C12orf76: variants seen among roughly 807,000 people sequenced by gnomAD.
The protein encoded by C12orf76 is chromosome 12 open reading frame 76.
A neutral mutation model predicts 6.8 loss-of-function variants in C12orf76; 6 were observed. The ratio of observed to expected loss-of-function variants is 0.88; its 90% CI spans 0.48 to 1.73. The LOEUF is 1.73. Ranked by LOEUF, C12orf76 falls within the 40% of genes most tolerant of loss-of-function variation. C12orf76 has a pLI of 0.01. For synonymous variants in C12orf76, 56 were observed against 43.7 expected, an observed-to-expected ratio of 1.28 and a Z score of -1.11; for missense variants, 99 against 98.2, an observed-to-expected ratio of 1.01 and a Z score of -0.03.
intron 4 of C12orf76, among the ~76,000 whole-genome samples, chr12:110,056,362 T>C (rs533011994): frequency 3.9e-5 from 6 of 152,290 alleles, no homozygotes; most frequent in Non-Finnish European, 5.9e-5. Context: ...TAAGAGGCTA[T>C]AATTTTATGC....
At chr12:110,066,426 G>A (rs1346881636) in intron 1 of C12orf76, among the ~76,000 whole-genome samples, 1 of 124,514 alleles carries the variant, frequency 8.0e-6, no homozygotes, top group Non-Finnish European at 1.6e-5. Flanking sequence ...GGTGGCTCAC[G>A]CCTGTAATCC....
intron 1 of C12orf76, among the ~76,000 whole-genome samples, chr12:110,042,832 T>C (rs1593241519): frequency 6.6e-6 from 1 of 151,212 alleles, no homozygotes; most frequent in African/African-American, 2.4e-5. Context: ...CCTAGGTGGG[T>C]GGATCACTTG....
At chr12:110,053,380 T>C (rs1892616503), upstream of C12orf76, among the ~76,000 whole-genome samples, 1 of 151,954 alleles carries the variant, frequency 6.6e-6, no homozygotes, top group Non-Finnish European at 1.5e-5. Context: ...GCACCTATAA[T>C]CCCAGCTACT....
At chr12:110,064,416 G>A (rs748893782) in intron 2 of C12orf76, among the ~76,000 whole-genome samples, 10 of 152,186 alleles carry the variant, frequency 6.6e-5, no homozygotes, top group South Asian at 2.1e-4. Flanking sequence ...CAACCACTCC[G>A]ACAACCAATA....
chr12:110,051,215 G>A (rs764857046), upstream of C12orf76: 3 of 772,020 alleles, frequency 3.9e-6, no homozygotes, highest in Non-Finnish European at 7.2e-6. Flanking sequence ...GCACAGTGGG[G>A]TGGGAGGCAG....
At chr12:110,063,602 T>TTTTATTTATTTATTTA (rs147216427) in intron 2 of C12orf76, among the ~76,000 whole-genome samples, 18 of 138,698 alleles carry the variant, frequency 1.3e-4, no homozygotes, top group South Asian at 4.7e-4. Flanking sequence ...GGATTTTTAT[T>TTTTATTTATTTATTTA]TTTATTTATT....
Position 110,042,478 on chromosome 12 carries a change from T to C in C12orf76, c.134-19A>G. On this transcript the variant is annotated intron_variant, in intron 1 of 1. Coordinates refer to ENST00000615315, the MANE Select transcript of C12orf76 (RefSeq NM_001389625.1). ...ATCAACACTGCAAAGGGAAAACAGG[T>C]TACTTCCTAATGGCAGCTCCAGGTT... The C allele has an allele frequency of 1.3e-6, 2 of 1,546,394 alleles. No homozygotes were observed. Among genetic ancestry groups the C allele is most frequent in the Non-Finnish European group, 1.8e-6 (2 of 1,118,548 alleles).
At chr12:110,068,074 G>T (rs992774659), upstream of C12orf76, among the ~76,000 whole-genome samples, 1 of 151,694 alleles carries the variant, frequency 6.6e-6, no homozygotes, top group Non-Finnish European at 1.5e-5. Context: ...TTAGCTGGGC[G>T]TAGTGGGGCA....
chr12:110,051,266 A>G (rs776035852), upstream of C12orf76: 5 of 734,902 alleles, frequency 6.8e-6, no homozygotes, highest in Middle Eastern at 2.3e-4. Context: ...GCTCGGCTGC[A>G]TGACTTGCTT....
intron 1 of C12orf76, among the ~76,000 whole-genome samples, chr12:110,043,629 G>A (rs921524350): frequency 1.7e-4 from 26 of 151,742 alleles, no homozygotes; most frequent in Non-Finnish European, 3.2e-4. Context: ...CGAGGCAGGC[G>A]GATCACGAGG....
upstream of C12orf76, among the ~76,000 whole-genome samples, chr12:110,069,283 A>T (rs935999807): frequency 6.6e-6 from 1 of 152,152 alleles, no homozygotes; most frequent in African/African-American, 2.4e-5. Context: ...TACTAAAAAT[A>T]CAAAAAATTA....
rs766524138 is a variant in C12orf76 at position 110,042,015 on chromosome 12, C to T, written c.*359G>A. The T allele has an allele frequency of 8.8e-6, 2 of 226,244 alleles. No individual in the cohort carries two copies. The highest frequency in any genetic ancestry group is 2.2e-5 in the African/African-American group (1 of 44,588). 14.0% of individuals were successfully genotyped at this position (226,244 alleles called of 1,614,324 possible). ...TAAGTCTCCTTCTTAATAACATTTT[C>T]AAGCATTAATGATGAGTTCTTTACA... On this transcript the variant is annotated 3_prime_UTR_variant, in exon 2 of 2. Transcript: ENST00000615315.
At position 110,054,464 on chromosome 12, in the gene C12orf76, T is replaced by C. The variant is rs1482430212; in HGVS notation, n.664+2725A>G. Among the ~76,000 whole-genome samples the C allele has an allele frequency of 6.6e-6, 1 of 152,164 alleles. No homozygotes were observed. On this transcript the variant is annotated intron_variant and non_coding_transcript_variant, in intron 4 of 4. Transcript: ENST00000309050. The surrounding 1 kb of genome is among the most constrained non-coding windows in gnomAD (Gnocchi z 4.4). The stretch of plus-strand genomic sequence containing the variant: ...GGCTAGTCACAAAAGGCCACACATA[T>C]TGATTGACTCCATTTATATGAAATA...
intron 2 of C12orf76, among the ~76,000 whole-genome samples, chr12:110,065,307 A>G (rs1262736958): frequency 6.6e-6 from 1 of 151,756 alleles, no homozygotes; most frequent in African/African-American, 2.4e-5. Flanking sequence ...AGTAGCTGGG[A>G]TTACAGGCAC....
chr12:110,051,320 C>A (rs1593245693), upstream of C12orf76: 1 of 699,044 alleles, frequency 1.4e-6, no homozygotes, highest in East Asian at 2.7e-5. Context: ...GAAGCATAAT[C>A]ATACCTGCCT....
upstream of C12orf76, chr12:110,050,968 G>A (rs762989292): frequency 1.4e-6 from 1 of 737,128 alleles, no homozygotes; most frequent in South Asian, 1.4e-5. Flanking sequence ...GGTAAGTGTT[G>A]GGGTCCGTTA....
intron 2 of C12orf76, among the ~76,000 whole-genome samples, chr12:110,061,001 C>T (rs1035527513): frequency 6.6e-6 from 1 of 151,262 alleles, no homozygotes. Context: ...CACAACTGCC[C>T]TCATATCCCT....
At chr12:110,072,960 A>G (rs557023449) in intron 1 of C12orf76, among the ~76,000 whole-genome samples, 1 of 152,004 alleles carries the variant, frequency 6.6e-6, no homozygotes, top group East Asian at 1.9e-4. Context: ...AAAAAAAAAA[A>G]AGAAAAAAGA....
At chr12:110,050,769 T>C (rs1051525623), upstream of C12orf76, 29 of 570,116 alleles carry the variant, frequency 5.1e-5, no homozygotes, top group African/African-American at 5.0e-4. Context: ...GGAGTAGCCA[T>C]TCTTTTATTC....
Sources: allele counts gnomAD v4.1 joint callset (sites outside exome capture counted in the v4.1 genomes callset), GRCh38; gene constraint gnomAD v4.1.1; non-coding constraint Gnocchi (gnomAD v3.1); transcripts MANE v1.5; gene names NCBI Gene and HGNC (gene_info 2026-07-23, HGNC 2026-07-21).